Variants in ZFYVE9 observed in about 807,000 individuals in gnomAD.
ZFYVE9 encodes the protein zinc finger FYVE domain-containing protein 9.
A neutral mutation model predicts 126.7 loss-of-function variants in ZFYVE9; 43 were observed. That is an observed-to-expected ratio of 0.34 (90% CI 0.27 to 0.44). ZFYVE9 has a LOEUF of 0.44. Among genes scored for constraint, ZFYVE9 ranks in the 20% least tolerant of loss-of-function variants. ZFYVE9 has a pLI of 1.00. For synonymous variants in ZFYVE9, 521 were observed against 597.4 expected (o/e 0.87, Z 1.87); for missense variants, 1,476 against 1,697.0 (o/e 0.87, Z 2.29).
intron 13 of ZFYVE9, among the ~76,000 whole-genome samples, chr1:52,332,129 C>T (rs1288573213): frequency 2.0e-5 from 3 of 152,032 alleles, no homozygotes; most frequent in Non-Finnish European, 2.9e-5. Flanking sequence ...TAACCTGTTT[C>T]AGCCAAGGGT....
rs769638947 is a variant in ZFYVE9 at position 52,300,770 on chromosome 1, T to C, written c.3334-3051T>C. On this transcript the variant is annotated intron_variant, in intron 12 of 18. Transcript: ENST00000287727. The stretch of plus-strand genomic sequence containing the variant: ...CTGATGAATTATTTTAGCTTTTGTA[T>C]TTCTAACAACATCTTTATTTGATCT... Among the ~76,000 whole-genome samples the C allele has an allele frequency of 9.6e-4, 146 of 151,844 alleles. 1 individual carries two copies. The highest frequency in any genetic ancestry group is 1.4e-3 in the Non-Finnish European group (95 of 67,960).
chr1:52,290,260 G>A (rs1325339657), intron 10 of ZFYVE9, among the ~76,000 whole-genome samples: 1 of 152,136 alleles, frequency 6.6e-6, no homozygotes, highest in Non-Finnish European at 1.5e-5. Flanking sequence ...TGTGCGTGAG[G>A]GCATGTGTAT....
chr1:52,293,921 A>G (rs529354688), intron 11 of ZFYVE9, among the ~76,000 whole-genome samples: 1 of 152,346 alleles, frequency 6.6e-6, no homozygotes, highest in South Asian at 2.1e-4. Context: ...AAACACGATC[A>G]TCTTTAGAAA....
intron 1 of ZFYVE9, among the ~76,000 whole-genome samples, chr1:52,144,475 CTTTATT>C (rs1644290148): frequency 6.6e-6 from 1 of 152,062 alleles, no homozygotes; most frequent in Non-Finnish European, 1.5e-5. Context: ...GCCCAAAGAA[CTTTATT>C]TTTATCAGTC....
intron 2 of ZFYVE9, among the ~76,000 whole-genome samples, chr1:52,225,632 G>C (rs1002146057): frequency 2.6e-5 from 4 of 152,206 alleles, no homozygotes; most frequent in Admixed American, 6.5e-5. Context: ...AGTGTGATTT[G>C]TGAAGGGGTG....
chr1:52,327,993 C>A (rs1162876028), intron 13 of ZFYVE9, among the ~76,000 whole-genome samples: 9 of 149,758 alleles, frequency 6.0e-5, no homozygotes, highest in Admixed American at 1.3e-4. Context: ...AAAAAAAAAA[C>A]CCAAAAAGAA....
At chr1:52,316,183 A>AT (rs1318986302) in intron 13 of ZFYVE9, among the ~76,000 whole-genome samples, 14 of 147,516 alleles carry the variant, frequency 9.5e-5, no homozygotes, top group African/African-American at 3.5e-4. Context: ...AAAAAAAAAA[A>AT]AAAAAAAGAA....
intron 1 of ZFYVE9, among the ~76,000 whole-genome samples, chr1:52,184,196 A>T (rs987087675): frequency 6.9e-6 from 1 of 144,342 alleles, no homozygotes; most frequent in African/African-American, 2.6e-5. Context: ...GACAAGTGTC[A>T]TTATATATAT....
intron 1 of ZFYVE9, among the ~76,000 whole-genome samples, chr1:52,175,165 G>A (rs1463572660): frequency 1.3e-5 from 2 of 151,940 alleles, no homozygotes; most frequent in African/African-American, 4.8e-5. Context: ...TCCATGTTTA[G>A]TGCTTCCTTC....
intron 13 of ZFYVE9, among the ~76,000 whole-genome samples, chr1:52,316,070 CA>C (rs944195423): frequency 7.5e-6 from 1 of 133,662 alleles, no homozygotes; most frequent in Non-Finnish European, 1.5e-5. Flanking sequence ...GAGGCTGAGG[CA>C]GGAGAATCAC....
chr1:52,148,470 A>C (rs2124490843), intron 1 of ZFYVE9, among the ~76,000 whole-genome samples: 1 of 151,788 alleles, frequency 6.6e-6, no homozygotes, highest in African/African-American at 2.4e-5. Flanking sequence ...CCTGGGCAAG[A>C]AGAGCGAAAC....
rs113820680 is a variant in ZFYVE9 at position 52,310,177 on chromosome 1, C to T, written c.3438+6252C>T. ...AGGGATGAGATTTCCCCTTGTTGCCCAGGCTGGTCTTGAACTCCTGGGCTC... is the reference window on the plus strand; with the variant it reads ...AGGGATGAGATTTCCCCTTGTTGCCTAGGCTGGTCTTGAACTCCTGGGCTC... On this transcript the variant is annotated intron_variant, in intron 13 of 18. Coordinates refer to ENST00000287727, the MANE Select transcript of ZFYVE9 (RefSeq NM_004799.4). 6.6e-3 allele frequency among the ~76,000 whole-genome samples: 1,000 copies of T among 152,198 alleles called. 3 individuals carry two copies. The highest frequency in any genetic ancestry group is 0.011 in the Non-Finnish European group (767 of 68,006).
intron 4 of ZFYVE9, among the ~76,000 whole-genome samples, chr1:52,240,144 A>T (rs887493582): frequency 2.6e-5 from 4 of 152,216 alleles, no homozygotes; most frequent in African/African-American, 7.2e-5. Context: ...TTTGATACAA[A>T]GTAGAGTTGA....
intron 13 of ZFYVE9, among the ~76,000 whole-genome samples, chr1:52,313,372 A>G (rs779868157): frequency 2.2e-4 from 33 of 152,204 alleles, no homozygotes; most frequent in Admixed American, 7.2e-4. Flanking sequence ...TAGAGCGGGT[A>G]GGGGAAACCC....
intron 4 of ZFYVE9, among the ~76,000 whole-genome samples, chr1:52,259,906 A>C (rs1569610077): frequency 1.3e-5 from 2 of 152,174 alleles, no homozygotes; most frequent in East Asian, 3.8e-4. Flanking sequence ...CATTCTTTTT[A>C]TGGGAACGGG....
At chr1:52,256,017 CTTTCT>C (rs1645514120) in intron 4 of ZFYVE9, among the ~76,000 whole-genome samples, 1 of 121,200 alleles carries the variant, frequency 8.3e-6, no homozygotes, top group African/African-American at 3.2e-5. Flanking sequence ...TCCTTCTTTC[CTTTCT>C]TTCTTTCTGT....
In ZFYVE9 at chr1:52,195,804, T is replaced by TC. The variant is rs561060110; in HGVS notation, c.-142-20562dup. ...GTTTCAGTATAGTCTTTTTTTTTTT[T>TC]CCCTCCAAGGCAGAGTCTCACTCTG... On this transcript the variant is annotated intron_variant, in intron 1 of 18. Coordinates refer to ENST00000287727, the MANE Select transcript of ZFYVE9 (RefSeq NM_004799.4). 3.5e-3 allele frequency among the ~76,000 whole-genome samples: 527 copies of TC among 151,912 alleles called. 2 individuals carry two copies. The highest frequency in any genetic ancestry group is 0.012 in the African/African-American group (499 of 41,386).
intron 1 of ZFYVE9, chr1:52,160,426 T>A (rs1030954926): frequency 9.1e-6 from 9 of 993,402 alleles, no homozygotes; most frequent in African/African-American, 1.6e-5. Context: ...TCTTCCATCC[T>A]CCAAAGGCAG....
chr1:52,306,513 G>A (rs1039042425), intron 13 of ZFYVE9, among the ~76,000 whole-genome samples: 1 of 152,192 alleles, frequency 6.6e-6, no homozygotes, highest in African/African-American at 2.4e-5. Flanking sequence ...ATTCTTCCTG[G>A]ATGCAGGACA....
Sources: gnomAD v4.1 joint callset for allele counts (sites outside exome capture counted in the v4.1 genomes callset) on GRCh38, gnomAD v4.1.1 for gene constraint, MANE v1.5 for transcripts, NCBI Gene and HGNC (gene_info 2026-07-23, HGNC 2026-07-21) for gene names.